The following CLIC5 variants were observed in gnomAD, a reference collection of about 807,000 sequenced individuals.
CLIC5 encodes CLIC family member 5.
A neutral mutation model predicts 24.7 loss-of-function variants in CLIC5; 20 were observed. The ratio of observed to expected loss-of-function variants is 0.81; its 90% CI spans 0.57 to 1.18. CLIC5 has a LOEUF of 1.18. Ranked by LOEUF, CLIC5 falls within the 50% of genes most tolerant of loss-of-function variation. The probability of loss-of-function intolerance (pLI) is 0.00; values close to 1 mark genes in which losing one functional copy is unlikely to be tolerated. For synonymous variants in CLIC5, 159 were observed against 135.6 expected (o/e 1.17, Z -1.20); for missense variants, 341 against 326.1 (o/e 1.05, Z -0.35).
intron 1 of CLIC5, among the ~76,000 whole-genome samples, chr6:45,974,522 TAGAGAG>T (rs58729329): frequency 0.043 from 2,839 of 65,538 alleles, 50 homozygotes; most frequent in South Asian, 0.11. Flanking sequence ...TATATATATA[TAGAGAG>T]AGAGAGAGAG....
At chr6:46,016,014 G>A (rs1766992037), upstream of CLIC5, 1 of 528,354 alleles carries the variant, frequency 1.9e-6, no homozygotes, top group South Asian at 8.2e-5. Context: ...CGGAGACAGA[G>A]CTGGTCCTGG....
At chr6:45,975,441 A>G (rs912265744) in intron 1 of CLIC5, among the ~76,000 whole-genome samples, 12 of 152,198 alleles carry the variant, frequency 7.9e-5, no homozygotes, top group Non-Finnish European at 1.5e-5. Context: ...ATTTCTGTCA[A>G]AGTTAAAATG....
At chr6:45,918,268 A>G (rs1763109485) in intron 4 of CLIC5, among the ~76,000 whole-genome samples, 1 of 152,164 alleles carries the variant, frequency 6.6e-6, no homozygotes, top group Non-Finnish European at 1.5e-5. Context: ...ATTACATAAG[A>G]CCCAATATTG....
At chr6:46,025,083 G>A (rs1211528691) in intron 1 of CLIC5, among the ~76,000 whole-genome samples, 3 of 151,812 alleles carry the variant, frequency 2.0e-5, no homozygotes, top group South Asian at 4.2e-4. Context: ...AATAAAAAGA[G>A]CACTAGACTG....
intron 1 of CLIC5, among the ~76,000 whole-genome samples, chr6:46,003,864 G>A (rs1214696326): frequency 6.6e-6 from 1 of 152,168 alleles, no homozygotes; most frequent in East Asian, 1.9e-4. Flanking sequence ...TTCTGGTGGA[G>A]AGTGGTCAGG....
chr6:46,054,124 C>G (rs1768181084), intron 1 of CLIC5, among the ~76,000 whole-genome samples: 1 of 152,034 alleles, frequency 6.6e-6, no homozygotes, highest in Admixed American at 6.6e-5. Flanking sequence ...CAAGAGTACC[C>G]CAGACTTGTG....
chr6:45,910,088 C>T (rs181136923), intron 5 of CLIC5, among the ~76,000 whole-genome samples: 23 of 152,288 alleles, frequency 1.5e-4, no homozygotes, highest in Admixed American at 1.4e-3. Context: ...TCTGTTATAA[C>T]ACTGAGCTAT....
chr6:45,971,657 A>C (rs1199462061), intron 1 of CLIC5, among the ~76,000 whole-genome samples: 1 of 152,242 alleles, frequency 6.6e-6, no homozygotes, highest in East Asian at 1.9e-4. Context: ...GAAACATTGC[A>C]ACTTGTGCTT....
intron 2 of CLIC5, among the ~76,000 whole-genome samples, chr6:45,951,794 G>A (rs1017644338): frequency 6.6e-6 from 1 of 152,116 alleles, no homozygotes. Flanking sequence ...AGTGGGAGTA[G>A]AGGAGTCTGT....
chr6:46,081,931 C>G (rs367652264), upstream of CLIC5, among the ~76,000 whole-genome samples: 4 of 152,100 alleles, frequency 2.6e-5, no homozygotes, highest in African/African-American at 9.7e-5. Context: ...CCCAAAGGAG[C>G]CTTTTCAGAT....
chr6:45,971,541 C>T (rs1037219247), intron 1 of CLIC5, among the ~76,000 whole-genome samples: 1 of 152,146 alleles, frequency 6.6e-6, no homozygotes, highest in Non-Finnish European at 1.5e-5. Context: ...GATGATGCTA[C>T]GTGATGAACT....
chr6:45,943,346 AG>A (rs1764193468), intron 3 of CLIC5, among the ~76,000 whole-genome samples: 1 of 152,192 alleles, frequency 6.6e-6, no homozygotes, highest in South Asian at 2.1e-4. Flanking sequence ...ATCCATCAGG[AG>A]GGGGTGCTTT....
At chr6:45,939,815 CA>C (rs1373889273) in intron 4 of CLIC5, among the ~76,000 whole-genome samples, 2 of 151,034 alleles carry the variant, frequency 1.3e-5, no homozygotes, top group Non-Finnish European at 2.9e-5. Flanking sequence ...TAATTAAAAA[CA>C]AGTTTTTTTT....
rs183033218 is a variant in CLIC5, at chr6:45,969,175, G to A, written c.64-13931C>T. On this transcript the variant is annotated intron_variant, in intron 1 of 5. Coordinates refer to ENST00000339561, the MANE Select transcript of CLIC5 (RefSeq NM_016929.5). ...GGCTCACAGCACGGGCTGGATAAAT[G>A]TTTGCCGAGAGGATGAAAGAGCTTG... Among the ~76,000 whole-genome samples the A allele has an allele frequency of 2.3e-3, 355 of 152,284 alleles. 7 individuals are homozygous for A. The highest frequency in any genetic ancestry group is 7.4e-3 in the African/African-American group (308 of 41,550).
chr6:46,021,893 A>G (rs1767195006), intron 1 of CLIC5, among the ~76,000 whole-genome samples: 1 of 152,236 alleles, frequency 6.6e-6, no homozygotes, highest in Non-Finnish European at 1.5e-5. Context: ...ATACAGAACT[A>G]CACACCAAAA....
At chr6:45,940,236 G>C (rs1210306395) in intron 4 of CLIC5, among the ~76,000 whole-genome samples, 1 of 152,180 alleles carries the variant, frequency 6.6e-6, no homozygotes, top group Non-Finnish European at 1.5e-5. Context: ...AATGCTTCTG[G>C]TTCTGAATAC....
At chr6:45,978,251 C>A (rs558413026) in intron 1 of CLIC5, among the ~76,000 whole-genome samples, 1 of 152,252 alleles carries the variant, frequency 6.6e-6, no homozygotes, top group Admixed American at 6.5e-5. Flanking sequence ...TCTATGGTGC[C>A]TTTTTTCCCC....
chr6:45,930,594 C>T (rs1010089106), intron 4 of CLIC5, among the ~76,000 whole-genome samples: 8 of 152,156 alleles, frequency 5.3e-5, no homozygotes, highest in East Asian at 1.9e-4. Context: ...CTGGCTCTGG[C>T]GACGATTCCT....
At chr6:46,033,929 C>T (rs1317833253) in intron 1 of CLIC5, among the ~76,000 whole-genome samples, 1 of 152,068 alleles carries the variant, frequency 6.6e-6, no homozygotes, top group Non-Finnish European at 1.5e-5. Flanking sequence ...TATGTTAATA[C>T]AAGAGGTTAT....
Sources: gnomAD v4.1 joint callset for allele counts (sites outside exome capture counted in the v4.1 genomes callset) on GRCh38, gnomAD v4.1.1 for gene constraint, MANE v1.5 for transcripts, NCBI Gene and HGNC (gene_info 2026-07-23, HGNC 2026-07-21) for gene names.